Variants in MARK2 observed in about 807,000 individuals in gnomAD.
MARK2 encodes the protein serine/threonine-protein kinase MARK2.
A neutral mutation model predicts 89.8 loss-of-function variants in MARK2; 16 were observed. The observed-to-expected ratio is 0.18, with a 90% CI of 0.12 to 0.27. The LOEUF is 0.27. MARK2 is among the 10% of genes least tolerant of loss of function. The probability of loss-of-function intolerance (pLI) is 1.00; values close to 1 mark genes in which losing one functional copy is unlikely to be tolerated. For missense variants in MARK2, 621 were observed against 1,049.9 expected, an observed-to-expected ratio of 0.59 and a Z score of 5.65; for synonymous variants, 382 against 399.5, an observed-to-expected ratio of 0.96 and a Z score of 0.52.
rs1940979610 is a variant in MARK2 at position 63,902,468 on chromosome 11, C to T, written c.1235-133C>T. The T allele has an allele frequency of 7.2e-7, 1 of 1,385,438 alleles. No individual in the cohort carries two copies. Among genetic ancestry groups the T allele is most frequent in the Non-Finnish European group, 1.0e-6 (1 of 996,264 alleles). The allele number at this position is 1,385,438 out of a possible 1,614,324, so 85.8% of individuals were successfully genotyped here. A position where few individuals can be genotyped will look rare whatever the true frequency, so the allele number is the denominator to read the frequency against. On this transcript the variant is annotated intron_variant, in intron 12 of 18. Transcript: ENST00000402010. This position sits in a 1 kb window ranked among gnomAD's most constrained non-coding sequence, Gnocchi z 4.2. ...TAGTAGTGTGGCTATGGGCAAGCCA[C>T]TTCCCTTCCCTCGCCTCTGTGGAAT...
At chr11:63,861,897 A>G (rs1937812214) in intron 1 of MARK2, among the ~76,000 whole-genome samples, 1 of 139,350 alleles carries the variant, frequency 7.2e-6, no homozygotes, top group Non-Finnish European at 1.5e-5. Flanking sequence ...ATCTGCCACC[A>G]TGCCTGGCTA....
intron 1 of MARK2, among the ~76,000 whole-genome samples, chr11:63,874,572 G>A (rs1938631217): frequency 1.3e-5 from 2 of 152,160 alleles, no homozygotes; most frequent in African/African-American, 4.8e-5. Context: ...TTGGTGTTTG[G>A]TGAGAGATTT....
chr11:63,910,632 ATTTT>A lies in MARK2; in HGVS notation c.*1398_*1401del, dbSNP rs1941689044. On this transcript the variant is annotated 3_prime_UTR_variant, in exon 19 of 19. Transcript: ENST00000402010. ...TGTACATTTTTTTGTGATGGGTTTTATTTTTTATTATTTTATTTTATTTTTTTTT... is the reference window on the plus strand; with the variant it reads ...TGTACATTTTTTTGTGATGGGTTTTATTATTATTTTATTTTATTTTTTTTT... 7.4e-6 allele frequency: 1 copy of A among 134,632 alleles called. No individual in the cohort carries two copies. Among genetic ancestry groups the A allele is most frequent in the Non-Finnish European group, 1.6e-5 (1 of 62,962 alleles). The allele number at this position is 134,632 out of a possible 1,614,324, so 8.3% of individuals were successfully genotyped here. A position where few individuals can be genotyped will look rare whatever the true frequency, so the allele number is the denominator to read the frequency against.
At chr11:63,853,133 T>C (rs1423521892) in intron 1 of MARK2, among the ~76,000 whole-genome samples, 3 of 152,088 alleles carry the variant, frequency 2.0e-5, no homozygotes, top group Admixed American at 1.3e-4. Context: ...GCGCGGTGGC[T>C]CATGCCTGTA....
intron 7 of MARK2, among the ~76,000 whole-genome samples, chr11:63,899,605 C>T (rs1166334080): frequency 6.6e-6 from 1 of 152,184 alleles, no homozygotes; most frequent in East Asian, 1.9e-4. Flanking sequence ...TTAACCTGGG[C>T]CTGATGCTGA....
Position 63,895,658 on chromosome 11 carries a change from C to CTTTTTT in MARK2, c.288+48_288+53dup, listed in dbSNP as rs544118942. 4.9e-5 allele frequency: 57 copies of CTTTTTT among 1,163,162 alleles called. 1 individual carries two copies. Among genetic ancestry groups the CTTTTTT allele is most frequent in the South Asian group, 1.8e-4 (13 of 72,322 alleles). The allele number at this position is 1,163,162 out of a possible 1,614,324, so 72.1% of individuals were successfully genotyped here. On this transcript the variant is annotated intron_variant, in intron 3 of 18. Coordinates refer to ENST00000402010, the MANE Select transcript of MARK2 (RefSeq NM_001039469.3). ...AGTAAGCACATGGCACCTCCTGTCC[C>CTTTTTT]TTTTTTTTTTTTTTTTTTTTTTTTT...
At chr11:63,849,659 A>G (rs1470416158) in intron 1 of MARK2, among the ~76,000 whole-genome samples, 4 of 152,228 alleles carry the variant, frequency 2.6e-5, no homozygotes, top group Non-Finnish European at 5.9e-5. Context: ...AGGCTGAGGC[A>G]CAAGAATCAC....
At chr11:63,907,565 A>G (rs1490502897) in intron 17 of MARK2, among the ~76,000 whole-genome samples, 2 of 151,080 alleles carry the variant, frequency 1.3e-5, no homozygotes, top group East Asian at 3.9e-4. Context: ...CCACCCAACC[A>G]AGGTGTCTGC....
Position 63,902,910 on chromosome 11 carries a change from C to G in MARK2, c.1416+128C>G. 9.3e-7 allele frequency: 1 copy of G among 1,072,060 alleles called. No homozygotes were observed. Among genetic ancestry groups the G allele is most frequent in the Non-Finnish European group, 1.4e-6 (1 of 712,534 alleles). The allele number at this position is 1,072,060 out of a possible 1,614,324, so 66.4% of individuals were successfully genotyped here. On this transcript the variant is annotated intron_variant, in intron 13 of 18. Coordinates refer to ENST00000402010, the MANE Select transcript of MARK2 (RefSeq NM_001039469.3). This position sits in a 1 kb window ranked among gnomAD's most constrained non-coding sequence, Gnocchi z 4.2. ...TCTGCTTATAGCAGGAAGCCTCGCTCCCAGCAGTAAATGCAGAATCCTTTC... is the reference window on the plus strand; with the variant it reads ...TCTGCTTATAGCAGGAAGCCTCGCTGCCAGCAGTAAATGCAGAATCCTTTC...
chr11:63,839,626 C>T, intron 1 of MARK2, 66 bp downstream of exon 1: 2 of 1,023,424 alleles, frequency 2.0e-6, no homozygotes, highest in Non-Finnish European at 2.9e-6. Context: ...GAGCCTCCTC[C>T]CTCTTCTGCT....
rs1565155976 is a variant in MARK2 at position 63,910,156 on chromosome 11, G to A, written c.*919G>A. 1 of 152,384 alleles carries A rather than the reference G, an allele frequency of 6.6e-6. No individual in the cohort carries two copies. The highest frequency in any genetic ancestry group is 1.5e-5 in the Non-Finnish European group (1 of 68,158). The allele number at this position is 152,384 out of a possible 1,614,324, so 9.4% of individuals were successfully genotyped here. On this transcript the variant is annotated 3_prime_UTR_variant, in exon 19 of 19. Coordinates refer to ENST00000402010, the MANE Select transcript of MARK2 (RefSeq NM_001039469.3). Reference sequence around the variant, plus strand: ...CTTGGGCTGTTGGTCTCCAGAGCAGGGCCACTGGGCACTCTGTGATGGGGG... The same window carrying A: ...CTTGGGCTGTTGGTCTCCAGAGCAGAGCCACTGGGCACTCTGTGATGGGGG...
intron 7 of MARK2, among the ~76,000 whole-genome samples, chr11:63,899,561 T>C (rs1940698268): frequency 6.6e-6 from 1 of 152,218 alleles, no homozygotes; most frequent in African/African-American, 2.4e-5. Context: ...CCTGTGGGTC[T>C]CTTGGCTGCT....
At chr11:63,871,096 GTTTGTGTGTGTGTATATGCATA>G (rs1291663080) in intron 1 of MARK2, among the ~76,000 whole-genome samples, 1 of 152,132 alleles carries the variant, frequency 6.6e-6, no homozygotes, top group Non-Finnish European at 1.5e-5. Context: ...AATCAGTTAT[GTTTGTGTGTGTGTATATGCATA>G]TTTGTGTGTG....
chr11:63,852,476 C>A (rs2016619921), intron 1 of MARK2, among the ~76,000 whole-genome samples: 1 of 151,900 alleles, frequency 6.6e-6, no homozygotes, highest in Non-Finnish European at 1.5e-5. Context: ...TATTTTAGCA[C>A]TTTATTCTAA....
chr11:63,845,732 C>CT (rs528965764), intron 1 of MARK2, among the ~76,000 whole-genome samples: 127 of 151,378 alleles, frequency 8.4e-4, no homozygotes, highest in Non-Finnish European at 1.4e-3. Context: ...CATTGCTCGT[C>CT]TTTTTTTTTG....
At chr11:63,895,102 A>C in intron 1 of MARK2, 57 bp from the exon 2 acceptor site, 9 of 1,472,188 alleles carry the variant, frequency 6.1e-6, no homozygotes, top group Non-Finnish European at 8.4e-6. Flanking sequence ...TTTTGCAGAG[A>C]GCGTTTAGAG....
intron 16 of MARK2, among the ~76,000 whole-genome samples, chr11:63,905,483 G>T (rs1160323889): frequency 1.3e-5 from 2 of 152,248 alleles, no homozygotes; most frequent in Admixed American, 1.3e-4. Flanking sequence ...TCTCCCACTA[G>T]TTGGTTCTGT....
chr11:63,905,755 A>AT (rs1941273273), intron 16 of MARK2, among the ~76,000 whole-genome samples: 1 of 152,162 alleles, frequency 6.6e-6, no homozygotes, highest in Admixed American at 6.5e-5. Context: ...CCATCCTGCC[A>AT]TTCCTCTCCC....
chr11:63,848,185 A>G lies in MARK2; in HGVS notation c.54+8625A>G, dbSNP rs2135202141. Among the ~76,000 whole-genome samples, 4 of 152,300 alleles carry G rather than the reference A, an allele frequency of 2.6e-5. 1 individual carries two copies. In the South Asian group the frequency reaches 8.3e-4, roughly 32 times the overall value. On this transcript the variant is annotated intron_variant, in intron 1 of 18. Coordinates refer to ENST00000402010, the MANE Select transcript of MARK2 (RefSeq NM_001039469.3). ...GTCTCCCAGCTAAGCAGGAAATGCCAAAATATGAACGTTTAGTAATTAGTG... is the reference window on the plus strand; with the variant it reads ...GTCTCCCAGCTAAGCAGGAAATGCCGAAATATGAACGTTTAGTAATTAGTG...
Sources: allele counts gnomAD v4.1 joint callset (sites outside exome capture counted in the v4.1 genomes callset), GRCh38; gene constraint gnomAD v4.1.1; non-coding constraint Gnocchi (gnomAD v3.1); transcripts MANE v1.5; gene names NCBI Gene and HGNC (gene_info 2026-07-23, HGNC 2026-07-21).